The following AHCY variants were observed in gnomAD, a reference collection of about 807,000 sequenced individuals.
AHCY encodes the protein adenosylhomocysteinase.
AHCY carries 24 observed loss-of-function variants against 45.4 expected under a neutral mutation model. That is an observed-to-expected ratio of 0.53 (90% CI 0.38 to 0.74). AHCY has a LOEUF of 0.74. Among genes scored for constraint, AHCY ranks in the 30% least tolerant of loss-of-function variants. The probability of loss-of-function intolerance (pLI) is 0.00; values close to 1 mark genes in which losing one functional copy is unlikely to be tolerated. For synonymous variants in AHCY, 245 were observed against 235.1 expected, an observed-to-expected ratio of 1.04 and a Z score of -0.39; for missense variants, 449 against 594.1, an observed-to-expected ratio of 0.76 and a Z score of 2.54.
intron 8 of AHCY, among the ~76,000 whole-genome samples, chr20:34,288,589 T>C (rs2036264035): frequency 6.6e-6 from 1 of 152,012 alleles, no homozygotes; most frequent in Admixed American, 6.6e-5. Context: ...ATCAGCTCCT[T>C]CAGCCCAGGA....
intron 1 of AHCY, among the ~76,000 whole-genome samples, chr20:34,301,056 A>G (rs2036753625): frequency 6.6e-6 from 1 of 152,174 alleles, no homozygotes; most frequent in African/African-American, 2.4e-5. Context: ...GCACGTGACA[A>G]GGGTGGCAAA....
chr20:34,310,754 C>A (rs2036939150), intron 1 of AHCY, among the ~76,000 whole-genome samples: 1 of 152,352 alleles, frequency 6.6e-6, no homozygotes, highest in Middle Eastern at 3.4e-3. Flanking sequence ...TATGGTGGCC[C>A]AGTGCGATGG....
At chr20:34,284,153 T>C (rs187345187) in intron 9 of AHCY, among the ~76,000 whole-genome samples, 2 of 152,106 alleles carry the variant, frequency 1.3e-5, no homozygotes, top group Admixed American at 1.3e-4. Context: ...TGAGATGCCA[T>C]GCTTAGGGAT....
rs979575723 is a variant in AHCY, at chr20:34,303,100, C to T, written c.28+143G>A. 5 of 1,478,228 alleles carry T rather than the reference C, an allele frequency of 3.4e-6. No individual in the cohort carries two copies. The African/African-American group carries it at 5.7e-5, about 17-fold the overall frequency. 91.6% of individuals were successfully genotyped at this position (1,478,228 alleles called of 1,614,324 possible). On this transcript the variant is annotated intron_variant, in intron 1 of 9. Coordinates refer to ENST00000217426, the MANE Select transcript of AHCY (RefSeq NM_000687.4). Reference sequence around the variant, plus strand: ...GCCGCGCGAGAACTCCAACTTCCAGCTGGCTTCGCGCGGCCAGAAACGCGC... The same window carrying T: ...GCCGCGCGAGAACTCCAACTTCCAGTTGGCTTCGCGCGGCCAGAAACGCGC...
chr20:34,254,551 T>G, the AHCY span, among the ~76,000 whole-genome samples: 19,887 of 152,154 alleles, frequency 0.13, 1,394 homozygotes, highest in East Asian at 0.22. Flanking sequence ...CTGAAGACAT[T>G]TGGCAACAAA....
chr20:34,306,079 CA>C (rs56039506), upstream of AHCY, among the ~76,000 whole-genome samples: 2,213 of 102,832 alleles, frequency 0.022, 31 homozygotes, highest in African/African-American at 0.06. Context: ...AAGACTGCCT[CA>C]AAAAAAAAAA....
intron 1 of AHCY, chr20:34,302,371 T>C (rs1375859478): frequency 1.3e-5 from 2 of 159,140 alleles, no homozygotes; most frequent in Non-Finnish European, 2.7e-5. Context: ...TTCACTAGGA[T>C]TGTTCCGCGT....
upstream of AHCY, among the ~76,000 whole-genome samples, chr20:34,307,710 A>G (rs1601694062): frequency 2.0e-5 from 3 of 152,250 alleles, no homozygotes; most frequent in Admixed American, 2.0e-4. Flanking sequence ...ATCTACAATT[A>G]TCTCAAAATA....
At chr20:34,301,674 T>C (rs768806461) in intron 1 of AHCY, 32 of 416,682 alleles carry the variant, frequency 7.7e-5, no homozygotes, top group Non-Finnish European at 9.7e-5. Context: ...CACAACCCAA[T>C]GGCCCCAATC....
the AHCY span, among the ~76,000 whole-genome samples, chr20:34,235,301 G>A: frequency 1.7e-4 from 26 of 152,272 alleles, no homozygotes; most frequent in Non-Finnish European, 3.5e-4. Context: ...TTAGCCAGGC[G>A]AGGTGGCAGG....
At chr20:34,239,088 G>A in the AHCY span, among the ~76,000 whole-genome samples, 2 of 152,144 alleles carry the variant, frequency 1.3e-5, no homozygotes, top group Non-Finnish European at 2.9e-5. Context: ...CCTGGGCCAA[G>A]TCTTTCTCTA....
chr20:34,309,982 G>GT (rs2036932038), intron 1 of AHCY, among the ~76,000 whole-genome samples: 1 of 152,016 alleles, frequency 6.6e-6, no homozygotes, highest in South Asian at 2.1e-4. Context: ...AACCATGGAG[G>GT]TGGAGGGGTG....
chr20:34,290,852 T>C lies in AHCY; in HGVS notation c.645A>G (p.Val215=), dbSNP rs1466595298. The C allele has an allele frequency of 3.1e-6, 5 of 1,613,990 alleles. No homozygotes were observed. The African/African-American group carries it at 4.0e-5, about 13-fold the overall frequency. The change falls in exon 6 of 10, where the codon GTA becomes GTG. Residue 215 remains valine, a synonymous_variant. Coordinates refer to ENST00000217426, the MANE Select transcript of AHCY (RefSeq NM_000687.4). This position sits in a 1 kb window ranked among gnomAD's most constrained non-coding sequence, Gnocchi z 4.5. ...CATCACCATAGCCTGCTACCACCGC[T>C]ACCTTGCCGGCAATCATCACATCTG... ...RATDVMIAGK[V]AVVAGYGDVG... is the part of the protein sequence containing the mutation.
At chr20:34,257,280 G>T in the AHCY span, among the ~76,000 whole-genome samples, 10 of 151,694 alleles carry the variant, frequency 6.6e-5, no homozygotes, top group African/African-American at 9.7e-5. Flanking sequence ...TAGTAGAAAC[G>T]GGGTTTCACC....
upstream of AHCY, among the ~76,000 whole-genome samples, chr20:34,304,870 T>C (rs2036876231): frequency 6.6e-6 from 1 of 151,844 alleles, no homozygotes; most frequent in Non-Finnish European, 1.5e-5. Context: ...GTATTTTTAG[T>C]AGAGACGGGG....
chr20:34,285,678 T>TC, intron 8 of AHCY, 44 bp from the exon 9 acceptor site: 1 of 1,602,912 alleles, frequency 6.2e-7, no homozygotes, highest in South Asian at 1.1e-5. Context: ...AGGGCCCCGC[T>TC]CCCACAGCCC....
chr20:34,311,331 C>G (rs1276383762), intron 1 of AHCY: 2 of 152,284 alleles, frequency 1.3e-5, no homozygotes, highest in Non-Finnish European at 2.9e-5. Flanking sequence ...GGGATCCCCG[C>G]CCACGCCGCT....
the AHCY span, among the ~76,000 whole-genome samples, chr20:34,253,751 G>A: frequency 6.6e-6 from 1 of 152,222 alleles, no homozygotes; most frequent in East Asian, 1.9e-4. Context: ...GCTTATAGGC[G>A]TGAGTGCCGG....
At chr20:34,245,999 T>G in the AHCY span, 1 of 1,168,530 alleles carries the variant, frequency 8.6e-7, no homozygotes, top group South Asian at 1.3e-5. Context: ...ATCATCTACT[T>G]CTGGCCATTT....
Sources: allele counts gnomAD v4.1 joint callset (sites outside exome capture counted in the v4.1 genomes callset), GRCh38; gene constraint gnomAD v4.1.1; non-coding constraint Gnocchi (gnomAD v3.1); transcripts MANE v1.5; gene names NCBI Gene and HGNC (gene_info 2026-07-23, HGNC 2026-07-21).